Variants in PLPPR5 observed in about 807,000 individuals in gnomAD.
The protein encoded by PLPPR5 is phospholipid phosphatase related 5, also known as phospholipid phosphatase-related protein type 5.
A neutral mutation model predicts 33.9 loss-of-function variants in PLPPR5; 16 were observed. The ratio of observed to expected loss-of-function variants is 0.47; its 90% CI spans 0.32 to 0.72. The LOEUF is 0.72. Ranked by LOEUF, PLPPR5 falls within the 30% of genes least tolerant of loss-of-function variation. PLPPR5 has a pLI of 0.03. For synonymous variants in PLPPR5, 163 were observed against 150.3 expected (o/e 1.08, Z -0.62); for missense variants, 301 against 406.7 (o/e 0.74, Z 2.23).
chr1:98,918,519 G>A (rs763173391), intron 4 of PLPPR5, among the ~76,000 whole-genome samples: 3 of 152,064 alleles, frequency 2.0e-5, no homozygotes, highest in Non-Finnish European at 4.4e-5. Context: ...TGGTGATTCT[G>A]CGCTCTAACC....
intron 4 of PLPPR5, 36 bp downstream of exon 4, chr1:98,921,846 A>G: frequency 6.5e-7 from 1 of 1,548,052 alleles, no homozygotes; most frequent in Non-Finnish European, 8.8e-7. Context: ...CAAGTTAATT[A>G]AAAACCCAAT....
chr1:98,995,404 C>T (rs1223542095), intron 1 of PLPPR5, among the ~76,000 whole-genome samples: 1 of 152,018 alleles, frequency 6.6e-6, no homozygotes, highest in African/African-American at 2.4e-5. Context: ...TACACCAAAC[C>T]ACTGTGACAT....
At chr1:98,970,519 T>C (rs1184058648) in intron 1 of PLPPR5, among the ~76,000 whole-genome samples, 1 of 151,720 alleles carries the variant, frequency 6.6e-6, no homozygotes, top group East Asian at 1.9e-4. Flanking sequence ...AATATATATG[T>C]ATATTTATTA....
chr1:98,983,010 A>G (rs899338387), intron 1 of PLPPR5, among the ~76,000 whole-genome samples: 1 of 152,110 alleles, frequency 6.6e-6, no homozygotes, highest in African/African-American at 2.4e-5. Context: ...CTGAGGAGTC[A>G]CTGGTAAGAG....
intron 1 of PLPPR5, among the ~76,000 whole-genome samples, chr1:99,003,241 T>C (rs1365174494): frequency 6.6e-6 from 1 of 151,538 alleles, no homozygotes; most frequent in Admixed American, 6.6e-5. Flanking sequence ...TTCTATCTTA[T>C]GTGTTAGGAA....
chr1:98,997,458 G>T (rs892141520), intron 1 of PLPPR5, among the ~76,000 whole-genome samples: 1 of 152,110 alleles, frequency 6.6e-6, no homozygotes, highest in East Asian at 1.9e-4. Context: ...CTTAATACAT[G>T]GTATCAGCTA....
chr1:98,950,116 C>T (rs1650723000), intron 3 of PLPPR5, among the ~76,000 whole-genome samples: 1 of 152,178 alleles, frequency 6.6e-6, no homozygotes, highest in African/African-American at 2.4e-5. Flanking sequence ...TTCTCTGGAA[C>T]ATTCAGAAAC....
At position 99,004,722 on chromosome 1, in the gene PLPPR5, TG is replaced by T. The variant is rs1449404808; in HGVS notation, c.-52del. The T allele has an allele frequency of 7.8e-7, 1 of 1,274,964 alleles. No individual in the cohort carries two copies. Among genetic ancestry groups the T allele is most frequent in the African/African-American group, 1.5e-5 (1 of 65,400 alleles). The allele number at this position is 1,274,964 out of a possible 1,614,324, so 79.0% of individuals were successfully genotyped here. A position where few individuals can be genotyped will look rare whatever the true frequency, so the allele number is the denominator to read the frequency against. ...CGAGCCGAGCGGGCGGTCGACGCGG[TG>T]GGCCCCCTCCCCGGTCCGCCGAGGC... is the stretch of plus-strand genomic sequence containing the variant. On this transcript the variant is annotated 5_prime_UTR_variant, in exon 1 of 6. Coordinates refer to ENST00000263177, the MANE Select transcript of PLPPR5 (RefSeq NM_001037317.2).
chr1:98,904,261 C>CTTTT (rs1050471002), intron 5 of PLPPR5, among the ~76,000 whole-genome samples: 32 of 117,346 alleles, frequency 2.7e-4, no homozygotes, highest in African/African-American at 6.8e-4. Flanking sequence ...ATTACTTTCC[C>CTTTT]TTTTTTTTTT....
chr1:98,960,507 T>C (rs1054672910), intron 1 of PLPPR5, among the ~76,000 whole-genome samples: 25 of 152,160 alleles, frequency 1.6e-4, no homozygotes, highest in African/African-American at 5.3e-4. Context: ...CCCAGCCTGC[T>C]CTCAGATAAA....
intron 1 of PLPPR5, among the ~76,000 whole-genome samples, chr1:98,969,726 CTCCT>C (rs3077539): frequency 3.3e-5 from 5 of 149,768 alleles, no homozygotes; most frequent in Non-Finnish European, 5.9e-5. Flanking sequence ...ACCTCTTTTT[CTCCT>C]TCCTTCCTTC....
intron 3 of PLPPR5, among the ~76,000 whole-genome samples, 159 bp from the exon 4 acceptor site, chr1:98,922,217 T>C (rs1164263691): frequency 1.3e-5 from 2 of 152,242 alleles, no homozygotes; most frequent in African/African-American, 4.8e-5. Context: ...ATCAGTTTCT[T>C]AAAAGCAGAA....
At chr1:98,925,096 C>T (rs1188269723) in intron 3 of PLPPR5, among the ~76,000 whole-genome samples, 2 of 152,102 alleles carry the variant, frequency 1.3e-5, no homozygotes, top group Non-Finnish European at 2.9e-5. Context: ...TTGTGTTATC[C>T]TTACATAAAG....
At chr1:98,909,361 C>G (rs1015500203) in intron 5 of PLPPR5, among the ~76,000 whole-genome samples, 1 of 150,696 alleles carries the variant, frequency 6.6e-6, no homozygotes, top group African/African-American at 2.4e-5. Context: ...CCACATGTTC[C>G]TTTCTATACT....
At chr1:98,928,345 G>C (rs1225651699) in intron 3 of PLPPR5, among the ~76,000 whole-genome samples, 4 of 151,748 alleles carry the variant, frequency 2.6e-5, no homozygotes, top group African/African-American at 9.7e-5. Flanking sequence ...AAAATTTAGT[G>C]TCTGAACTGA....
intron 5 of PLPPR5, among the ~76,000 whole-genome samples, chr1:98,901,948 TATA>T (rs1425920217): frequency 6.6e-6 from 1 of 152,058 alleles, no homozygotes; most frequent in Non-Finnish European, 1.5e-5. Context: ...AATATAATCT[TATA>T]ATATCATGCA....
At chr1:98,924,041 T>G (rs1649666525) in intron 3 of PLPPR5, among the ~76,000 whole-genome samples, 1 of 152,246 alleles carries the variant, frequency 6.6e-6, no homozygotes, top group South Asian at 2.1e-4. Context: ...TCTTTACATC[T>G]GTTAACACTC....
At chr1:98,894,719 C>A (rs1648405660) in intron 5 of PLPPR5, among the ~76,000 whole-genome samples, 1 of 151,984 alleles carries the variant, frequency 6.6e-6, no homozygotes, top group Non-Finnish European at 1.5e-5. Flanking sequence ...CATTGTTGAC[C>A]CAGATAATGA....
intron 5 of PLPPR5, among the ~76,000 whole-genome samples, chr1:98,911,201 G>A (rs1473892511): frequency 6.6e-6 from 1 of 152,162 alleles, no homozygotes; most frequent in Non-Finnish European, 1.5e-5. Context: ...TTCTGCCTGG[G>A]AACAGGAATA....
Sources: allele counts gnomAD v4.1 joint callset (sites outside exome capture counted in the v4.1 genomes callset), GRCh38; gene constraint gnomAD v4.1.1; transcripts MANE v1.5; gene names NCBI Gene and HGNC (gene_info 2026-07-23, HGNC 2026-07-21).